The following MYH3 variants were observed in gnomAD, a reference collection of about 807,000 sequenced individuals.
MYH3 encodes myosin heavy chain 3.
In MYH3, 130 loss-of-function variants were observed where a neutral mutation model predicts 238.0. That is an observed-to-expected ratio of 0.55 (90% CI 0.47 to 0.63). The LOEUF is 0.63. Among genes scored for constraint, MYH3 ranks in the 30% least tolerant of loss-of-function variants. The pLI, the probability that MYH3 is intolerant of heterozygous loss-of-function variation, is 0.00. For synonymous variants in MYH3, 880 were observed against 924.1 expected, an observed-to-expected ratio of 0.95 and a Z score of 0.86; for missense variants, 1,853 against 2,374.9, an observed-to-expected ratio of 0.78 and a Z score of 4.57.
At chr17:10,668,537 G>GA in the MYH3 span, among the ~76,000 whole-genome samples, 1 of 152,000 alleles carries the variant, frequency 6.6e-6, no homozygotes, top group African/African-American at 2.4e-5. Context: ...AAAAGGAAAG[G>GA]AAAAAAAGAA....
In MYH3 at chr17:10,631,736, T is replaced by G; in HGVS notation, c.5161A>C (p.Asn1721His). Residue 1721 changes from asparagine (N) to histidine (H), a missense_variant and splice_region_variant, in exon 36 of 41, where the codon AAC (asparagine) becomes CAC (histidine). Transcript: ENST00000583535. The part of the protein sequence containing the change: ...NERVQLLHTQ[N>H]TSLIHTKKKL... ...TTCTTGGTGTGGATGAGGCTGGTGT[T>G]CTAGGGCAAGAGGAGGGCTGTTAAC... The G allele has an allele frequency of 6.2e-7, 1 of 1,614,126 alleles. No individual in the cohort carries two copies. Among genetic ancestry groups the G allele is most frequent in the Non-Finnish European group, 8.5e-7 (1 of 1,180,010 alleles).
At chr17:10,669,767 T>A in the MYH3 span, among the ~76,000 whole-genome samples, 1 of 151,780 alleles carries the variant, frequency 6.6e-6, no homozygotes, top group Non-Finnish European at 1.5e-5. Context: ...AAAAATCAGC[T>A]GGGCGTGGTG....
Position 10,639,082 on chromosome 17 carries a change from C to T in MYH3, c.3210G>A (p.Leu1070=). ...LKLAQESILD[L]ENDKQQLDER... ...CGTCCAGCTGTTGCTTGTCATTCTC[C>T]AGATCTAATATGGACTCTTGAGCAA... Residue 1070 remains leucine (L), a synonymous_variant, in exon 25 of 41, where the codon CTG becomes CTA. Coordinates refer to ENST00000583535, the MANE Select transcript of MYH3 (RefSeq NM_002470.4). 1.9e-6 allele frequency: 3 copies of T among 1,614,206 alleles called. No individual in the cohort carries two copies. Among genetic ancestry groups the T allele is most frequent in the Non-Finnish European group, 2.5e-6 (3 of 1,180,040 alleles).
At chr17:10,655,790 T>G (rs1460313523) in intron 2 of MYH3, among the ~76,000 whole-genome samples, 1 of 152,184 alleles carries the variant, frequency 6.6e-6, no homozygotes, top group East Asian at 1.9e-4. Flanking sequence ...TAGCTGGGAT[T>G]ACAGGCACTT....
chr17:10,674,457 G>T, the MYH3 span: 1 of 283,562 alleles, frequency 3.5e-6, no homozygotes. Flanking sequence ...CAAAAAAACA[G>T]ACTGTGATTG....
In MYH3 at chr17:10,637,844, A is replaced by G; in HGVS notation, c.3821T>C (p.Leu1274Pro). 6.2e-7 allele frequency: 1 copy of G among 1,614,170 alleles called. No individual in the cohort carries two copies. Among genetic ancestry groups the G allele is most frequent in the South Asian group, 1.1e-5 (1 of 91,078 alleles). ...CTGCAAACGAGACTTCTGTGTGGTC[A>G]GCTCGCTCAGGCTCCTCTGAATTTC... ...NEEIQRSLSE[L>P]TTQKSRLQTE... is the part of the protein sequence containing the mutation. The change falls in exon 28 of 41, where the codon CTG becomes CCG. Residue 1274 changes from leucine to proline, a missense_variant. This residue lies in a region of MYH3 where 1,044 missense variants were observed against 1,192.6 expected (regional missense o/e 0.88). Transcript: ENST00000583535.
the MYH3 span, among the ~76,000 whole-genome samples, chr17:10,667,820 C>CAG: frequency 2.6e-5 from 4 of 151,396 alleles, no homozygotes; most frequent in Non-Finnish European, 4.4e-5. Context: ...AAGGATAAAT[C>CAG]AGACACTATT....
intron 30 of MYH3, among the ~76,000 whole-genome samples, 155 bp from the exon 31 acceptor site, chr17:10,635,178 C>T (rs1356370189): frequency 6.6e-6 from 1 of 152,146 alleles, no homozygotes; most frequent in Non-Finnish European, 1.5e-5. Flanking sequence ...AATCTGGGAT[C>T]AATAACTTGC....
chr17:10,642,960 T>C lies in MYH3; in HGVS notation c.1447A>G (p.Asn483Asp), dbSNP rs747519556. 6.2e-7 allele frequency: 1 copy of C among 1,614,170 alleles called. No individual in the cohort carries two copies. The highest frequency in any genetic ancestry group is 8.5e-7 in the Non-Finnish European group (1 of 1,180,018). Residue 483 changes from asparagine to aspartate, a missense_variant, in exon 15 of 41, where the codon AAT becomes GAT. Coordinates refer to ENST00000583535, the MANE Select transcript of MYH3 (RefSeq NM_002470.4). This position sits in a 1 kb window ranked among gnomAD's most constrained non-coding sequence, Gnocchi z 5.4. The stretch of plus-strand genomic sequence containing the variant: ...TTGAAAAACTGTTGCAGTTTCTCAT[T>C]GGTGAAGTTGATGCACAGCTGCTCC... ...SLEQLCINFT[N>D]EKLQQFFNHH...
In MYH3 at chr17:10,633,605, G is replaced by C; in HGVS notation, c.4633C>G (p.Leu1545Val). 1 of 1,613,448 alleles carries C rather than the reference G, an allele frequency of 6.2e-7. No individual in the cohort carries two copies. Among genetic ancestry groups the C allele is most frequent in the Non-Finnish European group, 8.5e-7 (1 of 1,179,912 alleles). Residue 1545 changes from leucine (L) to valine (V), a missense_variant, in exon 33 of 41, where the codon CTC becomes GTC. Around this residue, in one of 3 missense-constraint regions of MYH3, gnomAD observed 1,044 missense variants for 1,192.6 expected, o/e 0.88. Transcript: ENST00000583535. ...ELEKADIQLALEEAEAALEHE... is the reference protein window; with the variant it reads ...ELEKADIQLAVEEAEAALEHE... ...CCAGCACTCACCTCTGCTTCCTCGA[G>C]AGCCAGCTGGATATCAGCCTTTTCC...
At chr17:10,670,499 G>A in the MYH3 span, among the ~76,000 whole-genome samples, 468 of 152,204 alleles carry the variant, frequency 3.1e-3, 2 homozygotes, top group Non-Finnish European at 5.2e-3. This position sits in a 1 kb window ranked among gnomAD's most constrained non-coding sequence, Gnocchi z 7.0. Flanking sequence ...TTTGAGATGG[G>A]GGTCTCACTG....
At chr17:10,665,357 G>A in the MYH3 span, among the ~76,000 whole-genome samples, 1 of 152,072 alleles carries the variant, frequency 6.6e-6, no homozygotes, top group Non-Finnish European at 1.5e-5. Flanking sequence ...TGGTCAGGCT[G>A]GTCTTGAACT....
intron 26 of MYH3, 66 bp downstream of exon 26, chr17:10,638,807 A>T: frequency 6.6e-7 from 1 of 1,507,440 alleles, no homozygotes; most frequent in East Asian, 2.3e-5. Flanking sequence ...AATGGCTTAT[A>T]GCAGACAGCA....
At chr17:10,667,752 T>TA in the MYH3 span, among the ~76,000 whole-genome samples, 69 of 146,162 alleles carry the variant, frequency 4.7e-4, no homozygotes, top group Admixed American at 9.6e-4. Context: ...GATATAGCGT[T>TA]AAAAAAAAAA....
rs752671007 is a variant in MYH3, at chr17:10,652,400, C to T, written c.348+20G>A. The T allele has an allele frequency of 1.4e-5, 23 of 1,613,342 alleles. No individual in the cohort carries two copies. In the East Asian group the frequency reaches 2.7e-4, roughly 19 times the overall value. ...CATATCTAATGCCCCAGGGAAACCA[C>T]GTCGAAAGCCCTCGCTGACATAGAT... is the stretch of plus-strand genomic sequence containing the variant. On this transcript the variant is annotated intron_variant, in intron 4 of 40. Coordinates refer to ENST00000583535, the MANE Select transcript of MYH3 (RefSeq NM_002470.4).
chr17:10,664,803 G>A, the MYH3 span, among the ~76,000 whole-genome samples: 1 of 152,162 alleles, frequency 6.6e-6, no homozygotes, highest in Non-Finnish European at 1.5e-5. Flanking sequence ...TTGAAGCCGA[G>A]AAGAATGATT....
intron 4 of MYH3, 24 bp downstream of exon 4, chr17:10,652,396 A>G: frequency 1.2e-6 from 2 of 1,613,260 alleles, no homozygotes; most frequent in Non-Finnish European, 1.7e-6. Context: ...CCCCAGGGAA[A>G]CCACGTCGAA....
chr17:10,633,991 G>A, intron 32 of MYH3, 26 bp downstream of exon 32: 1 of 1,611,850 alleles, frequency 6.2e-7, no homozygotes. Flanking sequence ...AAAGGAGGAG[G>A]TTTCAGAGGG....
At chr17:10,648,172 A>C (rs1385344091) in intron 8 of MYH3, among the ~76,000 whole-genome samples, 1 of 151,560 alleles carries the variant, frequency 6.6e-6, no homozygotes, top group Middle Eastern at 3.2e-3. Flanking sequence ...TCCTCCCTAC[A>C]ACCACACAGA....
Sources: allele counts gnomAD v4.1 joint callset (sites outside exome capture counted in the v4.1 genomes callset), GRCh38; gene constraint gnomAD v4.1.1; regional missense constraint gnomAD v4.1.1; non-coding constraint Gnocchi (gnomAD v3.1); transcripts MANE v1.5; gene names NCBI Gene and HGNC (gene_info 2026-07-23, HGNC 2026-07-21).